Variants in RAP1A observed in about 807,000 individuals in gnomAD.
RAP1A encodes RAP1A, member of RAS oncogene family, also known as ras-related protein Rap-1A.
RAP1A carries 6 observed loss-of-function variants against 26.4 expected under a neutral mutation model. The observed-to-expected ratio is 0.23, with a 90% CI of 0.12 to 0.45. The LOEUF is 0.45. RAP1A is among the 20% of genes least tolerant of loss of function. The pLI is 0.99. For missense variants in RAP1A, 121 were observed against 217.2 expected (o/e 0.56, Z 2.78); for synonymous variants, 73 against 79.4 (o/e 0.92, Z 0.43).
chr1:111,671,178 G>C (rs939978765), intron 1 of RAP1A, among the ~76,000 whole-genome samples: 1 of 152,174 alleles, frequency 6.6e-6, no homozygotes, highest in African/African-American at 2.4e-5. Flanking sequence ...GAGTACAGTG[G>C]TACAGTCACA....
At chr1:111,629,976 G>C (rs953614361) in intron 1 of RAP1A, among the ~76,000 whole-genome samples, 25 of 152,208 alleles carry the variant, frequency 1.6e-4, no homozygotes, top group African/African-American at 6.0e-4. Flanking sequence ...TGAGAGAATA[G>C]CATAGTCCTT....
rs540551458 is a variant in RAP1A at position 111,607,446 on chromosome 1, A to C, written c.-28+64937A>C. On this transcript the variant is annotated intron_variant, in intron 1 of 7. Transcript: ENST00000356415. ...AGACACGGCAACCATCCGATTTCTC[A>C]ATCTTTCCCCCACCTTTCCCCACTT... 5.3e-5 allele frequency among the ~76,000 whole-genome samples: 8 copies of C among 152,282 alleles called. No homozygotes were observed. In the East Asian group the frequency reaches 1.2e-3, roughly 22 times the overall value.
intron 1 of RAP1A, among the ~76,000 whole-genome samples, chr1:111,672,347 G>C (rs1300506636): frequency 2.6e-5 from 4 of 151,954 alleles, no homozygotes; most frequent in Admixed American, 6.6e-5. Context: ...TCAGTTTGTT[G>C]ATCTGTTCTT....
At chr1:111,562,061 ACC>A (rs1188822139) in intron 1 of RAP1A, among the ~76,000 whole-genome samples, 2 of 152,012 alleles carry the variant, frequency 1.3e-5, no homozygotes, top group African/African-American at 4.8e-5. Context: ...TGGGACAGCC[ACC>A]CCACCCTGTG....
chr1:111,584,951 TTTCATC>T, intron 1 of RAP1A, among the ~76,000 whole-genome samples: 1 of 152,304 alleles, frequency 6.6e-6, no homozygotes, highest in South Asian at 2.1e-4. Flanking sequence ...ATTAAATATC[TTTCATC>T]TTCATTTTCA....
chr1:111,651,490 T>TTG (rs1043086198), intron 1 of RAP1A, among the ~76,000 whole-genome samples: 2 of 148,588 alleles, frequency 1.3e-5, no homozygotes, highest in African/African-American at 4.9e-5. Context: ...TTTTTTTTTT[T>TTG]TTTTTAGACA....
At chr1:111,659,774 C>CA (rs1553221584) in intron 1 of RAP1A, among the ~76,000 whole-genome samples, 5 of 151,650 alleles carry the variant, frequency 3.3e-5, no homozygotes, top group Non-Finnish European at 7.4e-5. Flanking sequence ...CTTGTTTTTA[C>CA]TTTTTTTTAC....
chr1:111,578,719 T>C (rs1326243846), intron 1 of RAP1A, among the ~76,000 whole-genome samples: 2 of 152,202 alleles, frequency 1.3e-5, no homozygotes, highest in African/African-American at 4.8e-5. Context: ...TCTCTGGGTA[T>C]CCTAGAATCC....
upstream of RAP1A, chr1:111,619,684 G>T (rs1659103596): frequency 5.1e-6 from 2 of 391,946 alleles, no homozygotes; most frequent in Non-Finnish European, 9.0e-6. Context: ...GAACGCCGTG[G>T]GGAAGGCGGG....
intron 1 of RAP1A, among the ~76,000 whole-genome samples, chr1:111,681,584 T>C (rs1033536598): frequency 1.3e-5 from 2 of 151,974 alleles, no homozygotes; most frequent in Non-Finnish European, 2.9e-5. Flanking sequence ...ATTGATCAAG[T>C]GGAAGAAAGG....
rs66509119 is a variant in RAP1A, at chr1:111,542,696, G to GT, written c.-28+197dup. 1.2e-4 allele frequency among the ~76,000 whole-genome samples: 18 copies of GT among 150,290 alleles called. No homozygotes were observed. In the East Asian group the frequency reaches 1.4e-3, roughly 11 times the overall value. ...AAAACTTGTCTTTGTTTTTGTTTTT[G>GT]TTTTTTTTTTCTTTTTTTGAGATGG... On this transcript the variant is annotated intron_variant, in intron 1 of 7. Coordinates refer to the RAP1A transcript ENST00000356415.
chr1:111,683,716 G>A (rs545452144), intron 1 of RAP1A, among the ~76,000 whole-genome samples: 14 of 152,118 alleles, frequency 9.2e-5, no homozygotes, highest in South Asian at 8.4e-4. Context: ...ATTCACAGCC[G>A]AATTCTACCA....
chr1:111,654,782 C>T (rs1660396445), intron 1 of RAP1A, among the ~76,000 whole-genome samples: 1 of 149,558 alleles, frequency 6.7e-6, no homozygotes, highest in Non-Finnish European at 1.5e-5. Flanking sequence ...AATCTAAGTC[C>T]TACTTGCTAA....
chr1:111,698,297 C>T (rs1410475896), intron 4 of RAP1A, among the ~76,000 whole-genome samples: 1 of 152,048 alleles, frequency 6.6e-6, no homozygotes, highest in African/African-American at 2.4e-5. Flanking sequence ...GCTTAAGAGA[C>T]GAGGTCTTGC....
At chr1:111,573,357 G>A (rs1233805170) in intron 1 of RAP1A, among the ~76,000 whole-genome samples, 1 of 152,172 alleles carries the variant, frequency 6.6e-6, no homozygotes, top group Admixed American at 6.5e-5. Flanking sequence ...CCCACCAACA[G>A]TGTATAAGGA....
At chr1:111,696,681 C>G (rs1327360800) in intron 3 of RAP1A, among the ~76,000 whole-genome samples, 1 of 152,220 alleles carries the variant, frequency 6.6e-6, no homozygotes, top group Non-Finnish European at 1.5e-5. Flanking sequence ...AAAGCAAGAT[C>G]TGTACCTAAA....
At chr1:111,589,421 T>C (rs182450139) in intron 1 of RAP1A, among the ~76,000 whole-genome samples, 169 of 152,298 alleles carry the variant, frequency 1.1e-3, no homozygotes, top group African/African-American at 3.9e-3. Flanking sequence ...CTCTATAAGA[T>C]AATAAAATAA....
chr1:111,684,307 G>C (rs1366421835), intron 1 of RAP1A, among the ~76,000 whole-genome samples: 1 of 152,128 alleles, frequency 6.6e-6, no homozygotes, highest in Non-Finnish European at 1.5e-5. Flanking sequence ...AGGCAGTCAG[G>C]CAAGAAAAAG....
At chr1:111,685,766 A>G (rs988249987) in intron 1 of RAP1A, among the ~76,000 whole-genome samples, 1 of 152,246 alleles carries the variant, frequency 6.6e-6, no homozygotes, top group Non-Finnish European at 1.5e-5. Flanking sequence ...CAGCAATCCC[A>G]TTACTGGGTA....
Sources: allele counts gnomAD v4.1 joint callset (sites outside exome capture counted in the v4.1 genomes callset), GRCh38; gene constraint gnomAD v4.1.1; transcripts MANE v1.5; gene names NCBI Gene and HGNC (gene_info 2026-07-23, HGNC 2026-07-21).